The following LRP1B variants were observed in gnomAD, a reference collection of about 807,000 sequenced individuals.
LRP1B encodes the protein LDL receptor related protein 1B.
Under a neutral mutation model 556.6 loss-of-function variants are expected in LRP1B, and 217 were observed. The ratio of observed to expected loss-of-function variants is 0.39; its 90% confidence interval spans 0.35 to 0.44. The LOEUF (loss-of-function observed/expected upper bound fraction) is 0.44. Ranked by LOEUF, LRP1B falls within the 20% of genes least tolerant of loss-of-function variation. LRP1B has a pLI of 1.00. For missense variants in LRP1B, 5,053 were observed against 5,620.8 expected, an observed-to-expected ratio of 0.90 and a Z score of 3.23; for synonymous variants, 2,047 against 1,865.8, an observed-to-expected ratio of 1.10 and a Z score of -2.50.
chr2:142,057,383 C>G (rs1704715093), intron 1 of LRP1B, among the ~76,000 whole-genome samples: 1 of 152,102 alleles, frequency 6.6e-6, no homozygotes, highest in African/African-American at 2.4e-5. Context: ...AGTTCTATGG[C>G]AATGGAAATG....
chr2:141,511,878 T>C (rs557128348), intron 2 of LRP1B, among the ~76,000 whole-genome samples: 5 of 152,332 alleles, frequency 3.3e-5, no homozygotes, highest in Admixed American at 3.3e-4. Context: ...AATGGATTAT[T>C]TCCCTGTGAA....
intron 2 of LRP1B, among the ~76,000 whole-genome samples, chr2:141,798,786 C>A (rs1197389312): frequency 6.6e-6 from 1 of 151,374 alleles, no homozygotes; most frequent in Non-Finnish European, 1.5e-5. Flanking sequence ...TTGGTCCTCC[C>A]AAAATTCATA....
In LRP1B at chr2:140,800,956, T is replaced by C. The variant is rs567642763; in HGVS notation, c.5359+12701A>G. Among the ~76,000 whole-genome samples the C allele has an allele frequency of 7.2e-5, 11 of 152,290 alleles. No individual in the cohort carries two copies. The East Asian group carries it at 2.1e-3, about 29-fold the overall frequency. On this transcript the variant is annotated intron_variant, in intron 32 of 90. Coordinates refer to ENST00000389484, the MANE Select transcript of LRP1B (RefSeq NM_018557.3). The stretch of plus-strand genomic sequence containing the variant: ...CAATAAATACTTAAATTCTACAATA[T>C]ATTTATGGCCATGGTCATTTTACAT...
chr2:141,697,329 T>C (rs1321096731), intron 2 of LRP1B, among the ~76,000 whole-genome samples: 1 of 151,932 alleles, frequency 6.6e-6, no homozygotes, highest in Non-Finnish European at 1.5e-5. Context: ...TCATAAAACA[T>C]AGTAAGTCAC....
intron 3 of LRP1B, among the ~76,000 whole-genome samples, chr2:141,256,539 T>C (rs772152857): frequency 8.6e-5 from 13 of 151,710 alleles, no homozygotes; most frequent in Admixed American, 1.3e-4. Context: ...TACCTAACAG[T>C]AGAGAGAAAG....
At chr2:140,495,856 G>A (rs756009476) in intron 55 of LRP1B, 108 bp from the exon 56 acceptor site, 7 of 849,700 alleles carry the variant, frequency 8.2e-6, no homozygotes, top group Non-Finnish European at 1.2e-5. Flanking sequence ...ATAGATAAAG[G>A]CAAGTCTTTC....
chr2:141,369,633 C>G (rs1689157158), intron 3 of LRP1B, among the ~76,000 whole-genome samples: 1 of 152,044 alleles, frequency 6.6e-6, no homozygotes, highest in Admixed American at 6.5e-5. Context: ...AGAGTATAAG[C>G]AATCTACAAT....
chr2:141,100,904 C>T (rs1402543635), intron 7 of LRP1B, among the ~76,000 whole-genome samples: 1 of 151,954 alleles, frequency 6.6e-6, no homozygotes, highest in African/African-American at 2.4e-5. Flanking sequence ...CATCTAAAAT[C>T]CCCTAGTAAA....
intron 41 of LRP1B, among the ~76,000 whole-genome samples, chr2:140,647,743 C>T (rs1684534850): frequency 6.6e-6 from 1 of 152,134 alleles, no homozygotes; most frequent in African/African-American, 2.4e-5. Context: ...AATGAGATAC[C>T]ATCTCACACC....
intron 43 of LRP1B, among the ~76,000 whole-genome samples, chr2:140,545,031 T>G (rs1003883900): frequency 6.6e-6 from 1 of 152,188 alleles, no homozygotes. Context: ...TTGATTTGCA[T>G]TTCTCTAATG....
intron 41 of LRP1B, among the ~76,000 whole-genome samples, chr2:140,626,443 G>A (rs533546115): frequency 9.2e-5 from 14 of 152,120 alleles, no homozygotes; most frequent in Admixed American, 5.2e-4. Context: ...AGATAGGGGC[G>A]GTTGTTCATT....
At chr2:141,878,754 A>G (rs1308504952) in intron 1 of LRP1B, among the ~76,000 whole-genome samples, 1 of 152,052 alleles carries the variant, frequency 6.6e-6, no homozygotes, top group Non-Finnish European at 1.5e-5. Flanking sequence ...TCAAGTAATG[A>G]ACAGTCCAAT....
At position 140,305,055 on chromosome 2, in the gene LRP1B, G is replaced by A. The variant is rs190935733; in HGVS notation, c.12806-7086C>T. ...CCTGTATCATGCTGTTTTGGTTACT[G>A]TAGCCTTGTAGTATAGTTTGAAGTC... is the stretch of plus-strand genomic sequence containing the variant. On this transcript the variant is annotated intron_variant, in intron 83 of 90. Coordinates refer to ENST00000389484, the MANE Select transcript of LRP1B (RefSeq NM_018557.3). 3.7e-3 allele frequency among the ~76,000 whole-genome samples: 570 copies of A among 152,210 alleles called. 3 individuals carry two copies. The highest frequency in any genetic ancestry group is 4.4e-3 in the Non-Finnish European group (298 of 68,016).
chr2:140,754,683 G>A (rs1357101025), intron 35 of LRP1B, among the ~76,000 whole-genome samples: 1 of 151,684 alleles, frequency 6.6e-6, no homozygotes, highest in Non-Finnish European at 1.5e-5. Context: ...AGTAGTTATT[G>A]GAGAAAAATT....
rs146591374 is a variant in LRP1B at position 141,590,843 on chromosome 2, T to C, written c.206-110310A>G. Among the ~76,000 whole-genome samples, 362 of 152,274 alleles carry C rather than the reference T, an allele frequency of 2.4e-3. 2 individuals carry two copies. The highest frequency in any genetic ancestry group is 8.5e-3 in the African/African-American group (353 of 41,578). ...TCATGTCCCAACTCATCAGTCCCAA[T>C]TCACCAGTCAAGGACACCAACCCAG... On this transcript the variant is annotated intron_variant, in intron 2 of 90. Coordinates refer to ENST00000389484, the MANE Select transcript of LRP1B (RefSeq NM_018557.3).
intron 2 of LRP1B, among the ~76,000 whole-genome samples, chr2:141,649,285 A>C (rs1489354333): frequency 3.3e-5 from 5 of 152,204 alleles, no homozygotes; most frequent in Non-Finnish European, 2.9e-5. Flanking sequence ...AAGATGAAGC[A>C]GCAGAAGGCA....
chr2:140,476,892 T>C (rs1224984283), intron 59 of LRP1B, among the ~76,000 whole-genome samples: 1 of 152,042 alleles, frequency 6.6e-6, no homozygotes, highest in Non-Finnish European at 1.5e-5. Flanking sequence ...TTTTTGTATA[T>C]ACATATTAAC....
chr2:141,630,474 C>G (rs968322899), intron 2 of LRP1B, among the ~76,000 whole-genome samples: 1 of 152,280 alleles, frequency 6.6e-6, no homozygotes, highest in African/African-American at 2.4e-5. Context: ...CCAACTCAGT[C>G]TTTCATGAAG....
rs2105456316 is a variant in LRP1B at position 141,055,279 on chromosome 2, G to A, written c.1409-20C>T. 2.5e-6 allele frequency: 4 copies of A among 1,594,884 alleles called. No individual in the cohort carries two copies. Among genetic ancestry groups the A allele is most frequent in the Non-Finnish European group, 3.4e-6 (4 of 1,169,656 alleles). Reference sequence around the variant, plus strand: ...TTCTGACTACAACAAATAAAAAACAGCATGCGTGAAATTCAAGTTCAAAGA... The same window carrying A: ...TTCTGACTACAACAAATAAAAAACAACATGCGTGAAATTCAAGTTCAAAGA... On this transcript the variant is annotated intron_variant, in intron 9 of 90. Transcript: ENST00000389484.
Sources: gnomAD v4.1 joint callset for allele counts (sites outside exome capture counted in the v4.1 genomes callset) on GRCh38, gnomAD v4.1.1 for gene constraint, MANE v1.5 for transcripts, NCBI Gene and HGNC (gene_info 2026-07-23, HGNC 2026-07-21) for gene names.